The following GOLGA4 variants were observed in gnomAD, a reference collection of about 807,000 sequenced individuals.
GOLGA4 encodes the protein golgin A4.
GOLGA4 carries 169 observed loss-of-function variants against 265.9 expected under a neutral mutation model. The ratio of observed to expected loss-of-function variants is 0.64; its 90% CI spans 0.56 to 0.72. The LOEUF (loss-of-function observed/expected upper bound fraction) is 0.72, where lower values mean the gene tolerates loss of function less well. GOLGA4 is among the 30% of genes least tolerant of loss of function. GOLGA4 has a pLI of 0.00. For missense variants in GOLGA4, 2,482 were observed against 2,483.4 expected, an observed-to-expected ratio of 1.00 and a Z score of 0.01; for synonymous variants, 923 against 855.8, an observed-to-expected ratio of 1.08 and a Z score of -1.37.
chr3:37,280,354 C>T (rs1169289823), intron 2 of GOLGA4, among the ~76,000 whole-genome samples: 5 of 152,082 alleles, frequency 3.3e-5, no homozygotes, highest in Non-Finnish European at 7.4e-5. Context: ...TGCTTTCTGA[C>T]GGTTCAGTGT....
intron 7 of GOLGA4, among the ~76,000 whole-genome samples, chr3:37,297,025 C>A (rs2150846598): frequency 6.6e-6 from 1 of 152,104 alleles, no homozygotes; most frequent in East Asian, 1.9e-4. Flanking sequence ...AATAAGTGGG[C>A]TATTTGTAAT....
At chr3:37,316,613 A>G (rs1381084803) in intron 11 of GOLGA4, among the ~76,000 whole-genome samples, 1 of 152,238 alleles carries the variant, frequency 6.6e-6, no homozygotes, top group East Asian at 1.9e-4. Context: ...AAGTAATGTT[A>G]TCATGGACTC....
chr3:37,313,974 T>TC (rs1054200017), intron 10 of GOLGA4, among the ~76,000 whole-genome samples: 1 of 151,924 alleles, frequency 6.6e-6, no homozygotes, highest in Non-Finnish European at 1.5e-5. Context: ...TATTTTTTTT[T>TC]TTTTTTTGAG....
chr3:37,314,330 G>A (rs1444720560), intron 10 of GOLGA4, among the ~76,000 whole-genome samples: 1 of 152,060 alleles, frequency 6.6e-6, no homozygotes, highest in East Asian at 1.9e-4. Context: ...GTTTGATAAT[G>A]TTGAGCTGTT....
intron 20 of GOLGA4, among the ~76,000 whole-genome samples, chr3:37,343,364 G>A (rs1312129820): frequency 1.3e-5 from 2 of 152,014 alleles, no homozygotes; most frequent in South Asian, 2.1e-4. Flanking sequence ...CGGGTGATCC[G>A]CCTGCCTCGG....
At chr3:37,276,860 T>C (rs1430764245) in intron 2 of GOLGA4, among the ~76,000 whole-genome samples, 1 of 152,240 alleles carries the variant, frequency 6.6e-6, no homozygotes, top group Non-Finnish European at 1.5e-5. Context: ...ATTAAACTCT[T>C]GGCAATATTT....
chr3:37,323,402 G>C (rs1193782984), intron 13 of GOLGA4, among the ~76,000 whole-genome samples, 186 bp from the exon 14 acceptor site: 3 of 152,028 alleles, frequency 2.0e-5, no homozygotes, highest in Non-Finnish European at 2.9e-5. Context: ...CTGTTGGACT[G>C]TGCCTTGCCA....
rs558323296 is a variant in GOLGA4 at position 37,363,452 on chromosome 3, A to C, written c.*33+2147A>C. ...ACTTTTAGTTTGAAACATTTCAGAC[A>C]TAAGATTTGCAAAAATAGTACAATG... On this transcript the variant is annotated intron_variant, in intron 23 of 23. Transcript: ENST00000361924. Among the ~76,000 whole-genome samples the C allele has an allele frequency of 3.9e-5, 6 of 152,340 alleles. No individual in the cohort carries two copies. In the East Asian group the frequency reaches 1.2e-3, roughly 29 times the overall value.
rs574584740 is a variant in GOLGA4 at position 37,255,395 on chromosome 3, T to G, written c.162+3911T>G. On this transcript the variant is annotated intron_variant, in intron 2 of 23. Coordinates refer to ENST00000361924, the MANE Select transcript of GOLGA4 (RefSeq NM_002078.5). Reference sequence around the variant, plus strand: ...CCAGGCTGGTCTTGAACTCCCGACCTCAGGTGATCCATCCGCCTCGGCCTC... The same window carrying G: ...CCAGGCTGGTCTTGAACTCCCGACCGCAGGTGATCCATCCGCCTCGGCCTC... Among the ~76,000 whole-genome samples, 258 of 151,966 alleles carry G rather than the reference T, an allele frequency of 1.7e-3. 4 individuals are homozygous for G. Among genetic ancestry groups the G allele is most frequent in the African/African-American group, 5.7e-3 (235 of 41,412 alleles).
intron 23 of GOLGA4, among the ~76,000 whole-genome samples, chr3:37,365,268 T>C (rs1696658787): frequency 1.3e-5 from 2 of 152,070 alleles, no homozygotes; most frequent in South Asian, 4.1e-4. Flanking sequence ...TTCTCATCTT[T>C]ATTTTTTATT....
chr3:37,291,543 A>C (rs2096864742), intron 5 of GOLGA4, among the ~76,000 whole-genome samples: 1 of 152,236 alleles, frequency 6.6e-6, no homozygotes, highest in Admixed American at 6.5e-5. Flanking sequence ...TCATCTACTC[A>C]GTTGCAGCTG....
chr3:37,352,560 T>C (rs762257470), intron 21 of GOLGA4, among the ~76,000 whole-genome samples: 38 of 152,184 alleles, frequency 2.5e-4, no homozygotes, highest in Non-Finnish European at 3.7e-4. Flanking sequence ...TTTTATGATA[T>C]GGAGATGTCT....
At chr3:37,275,215 C>CAAAAAAAAAAAAAAAAAAA (rs749758741) in intron 2 of GOLGA4, among the ~76,000 whole-genome samples, 9 of 44,958 alleles carry the variant, frequency 2.0e-4, no homozygotes, top group Non-Finnish European at 3.0e-4. Context: ...GACTCCGTCT[C>CAAAAAAAAAAAAAAAAAAA]AAAAAAAAAA....
intron 23 of GOLGA4, among the ~76,000 whole-genome samples, chr3:37,362,779 G>GC (rs1559480345): frequency 2.5e-5 from 2 of 78,944 alleles, no homozygotes; most frequent in African/African-American, 4.9e-5. Flanking sequence ...CAGCCTCTAA[G>GC]CTTTTTTTTT....
In GOLGA4 at chr3:37,249,606, CTT is replaced by C. The variant is rs372636204; in HGVS notation, c.73-1787_73-1786del. ...TAAGTCCTTATTCTTCCTGTTTTGTCTTTGGTGGGAGAGGATATGTCATCCCT... is the reference window on the plus strand; with the variant it reads ...TAAGTCCTTATTCTTCCTGTTTTGTCTGGTGGGAGAGGATATGTCATCCCT... On this transcript the variant is annotated intron_variant, in intron 1 of 23. Transcript: ENST00000361924. The C allele has an allele frequency of 2.4e-3, 360 of 152,210 alleles. 4 individuals carry two copies. The highest frequency in any genetic ancestry group is 8.1e-3 in the African/African-American group (338 of 41,534). 9.4% of individuals were successfully genotyped at this position (152,210 alleles called of 1,614,324 possible). A position where few individuals can be genotyped will look rare whatever the true frequency, so the allele number is the denominator to read the frequency against.
At chr3:37,337,192 T>C (rs1559452976) in intron 18 of GOLGA4, 29 bp downstream of exon 18, 26 of 1,183,714 alleles carry the variant, frequency 2.2e-5, no homozygotes, top group South Asian at 2.7e-5. Context: ...TTTTTTTTTT[T>C]CTTTTTTTTC....
intron 7 of GOLGA4, 70 bp downstream of exon 7, chr3:37,296,289 T>G: frequency 6.7e-7 from 1 of 1,484,216 alleles, no homozygotes; most frequent in Non-Finnish European, 9.3e-7. Context: ...CTTACACCTT[T>G]AATCCCAACA....
At chr3:37,344,776 T>C (rs943347457) in intron 20 of GOLGA4, among the ~76,000 whole-genome samples, 1 of 152,242 alleles carries the variant, frequency 6.6e-6, no homozygotes, top group Non-Finnish European at 1.5e-5. Context: ...AGTTACTTAA[T>C]GCATACATAC....
chr3:37,257,937 ATACATATATATGTATGTATATATG>A (rs1270857861), intron 2 of GOLGA4, among the ~76,000 whole-genome samples: 1 of 110,210 alleles, frequency 9.1e-6, no homozygotes, highest in Non-Finnish European at 1.7e-5. Context: ...GTATATATAC[ATACATATATATGTATGTATATATG>A]TATATATACA....
Sources: allele counts gnomAD v4.1 joint callset (sites outside exome capture counted in the v4.1 genomes callset), GRCh38; gene constraint gnomAD v4.1.1; transcripts MANE v1.5; gene names NCBI Gene and HGNC (gene_info 2026-07-23, HGNC 2026-07-21).